Variants in RAPGEF4 observed in about 807,000 individuals in gnomAD.
RAPGEF4 encodes the protein RAP guanine-nucleotide-exchange factor (GEF) 4.
RAPGEF4 carries 66 observed loss-of-function variants against 147.9 expected under a neutral mutation model. The observed-to-expected ratio is 0.45, with a 90% confidence interval of 0.37 to 0.55. The LOEUF is 0.55. Ranked by LOEUF, RAPGEF4 falls within the 20% of genes least tolerant of loss-of-function variation. The probability of loss-of-function intolerance (pLI) is 0.00; values close to 1 mark genes in which losing one functional copy is unlikely to be tolerated. For synonymous variants in RAPGEF4, 419 were observed against 442.7 expected (o/e 0.95, Z 0.67); for missense variants, 1,071 against 1,257.3 (o/e 0.85, Z 2.24).
At chr2:172,980,134 T>C (rs879729436) in intron 10 of RAPGEF4, among the ~76,000 whole-genome samples, 7 of 152,110 alleles carry the variant, frequency 4.6e-5, no homozygotes, top group Non-Finnish European at 7.4e-5. Context: ...GTTCGAGGAA[T>C]GGAGAGATGC....
chr2:172,737,512 G>A (rs534042282), intron 1 of RAPGEF4, among the ~76,000 whole-genome samples: 2 of 152,076 alleles, frequency 1.3e-5, no homozygotes, highest in African/African-American at 2.4e-5. Flanking sequence ...TTGAACAGTC[G>A]GTAATTCACT....
intron 1 of RAPGEF4, among the ~76,000 whole-genome samples, chr2:172,755,097 G>A (rs1695645407): frequency 6.6e-6 from 1 of 152,016 alleles, no homozygotes; most frequent in Non-Finnish European, 1.5e-5. Flanking sequence ...ATGATATGTG[G>A]CCGTAGAACC....
rs563549001 is a variant in RAPGEF4 at position 173,013,558 on chromosome 2, T to C, written c.1659-906T>C. Among the ~76,000 whole-genome samples, 141 of 152,346 alleles carry C rather than the reference T, an allele frequency of 9.3e-4. 1 individual carries two copies. Among genetic ancestry groups the C allele is most frequent in the African/African-American group, 3.2e-3 (132 of 41,578 alleles). On this transcript the variant is annotated intron_variant, in intron 17 of 30. Transcript: ENST00000397081. ...GAACTATAAATCATTGAAAAAGGAA[T>C]GGTGTGTCTAACCTAAAATATTTCT...
chr2:172,885,047 T>C (rs1697030043), intron 4 of RAPGEF4, among the ~76,000 whole-genome samples: 2 of 152,226 alleles, frequency 1.3e-5, no homozygotes, highest in Admixed American at 1.3e-4. Flanking sequence ...TCAGTATATC[T>C]CTACTTCATC....
intron 1 of RAPGEF4, among the ~76,000 whole-genome samples, chr2:172,764,252 CAA>C (rs11297899): frequency 1.7e-3 from 250 of 145,016 alleles, no homozygotes; most frequent in Admixed American, 2.0e-3. Flanking sequence ...GACCCTGTCT[CAA>C]AAAAAAAAAA....
chr2:172,943,817 CAG>C (rs142254525), intron 6 of RAPGEF4, among the ~76,000 whole-genome samples: 2,341 of 152,282 alleles, frequency 0.015, 61 homozygotes, highest in African/African-American at 0.054. Flanking sequence ...CACATCCTCT[CAG>C]AGTTTTCTCT....
intron 9 of RAPGEF4, among the ~76,000 whole-genome samples, chr2:172,966,576 G>A (rs767488761): frequency 2.5e-4 from 38 of 152,150 alleles, no homozygotes; most frequent in Non-Finnish European, 4.7e-4. Context: ...GCTCAAGGCT[G>A]TAAGACATGT....
chr2:172,918,797 C>T (rs1684390454), intron 5 of RAPGEF4, among the ~76,000 whole-genome samples: 1 of 152,112 alleles, frequency 6.6e-6, no homozygotes, highest in South Asian at 2.1e-4. Flanking sequence ...AGCCAGCAGA[C>T]CCAGTGATGC....
At chr2:172,997,687 A>G (rs1170799399) in intron 16 of RAPGEF4, among the ~76,000 whole-genome samples, 1 of 152,088 alleles carries the variant, frequency 6.6e-6, no homozygotes, top group African/African-American at 2.4e-5. Flanking sequence ...TCTCAGAATA[A>G]TGTTGTGGGT....
chr2:172,821,601 G>A (rs912403519), intron 4 of RAPGEF4: 26 of 996,568 alleles, frequency 2.6e-5, no homozygotes, highest in Admixed American at 1.2e-4. Context: ...TAAACCAAGC[G>A]GAAGCCTGCT....
intron 17 of RAPGEF4, among the ~76,000 whole-genome samples, chr2:173,003,670 A>C (rs1309362357): frequency 1.3e-5 from 2 of 151,036 alleles, no homozygotes. Context: ...TGAGTTCTCC[A>C]GATGATTCCA....
chr2:172,773,882 G>A (rs1419952776), intron 1 of RAPGEF4, among the ~76,000 whole-genome samples: 1 of 152,162 alleles, frequency 6.6e-6, no homozygotes, highest in Admixed American at 6.5e-5. Context: ...GTATGAATTG[G>A]CTCTGAATCC....
Position 173,021,085 on chromosome 2 carries a change from G to C in RAPGEF4, c.2253+370G>C, listed in dbSNP as rs377539324. On this transcript the variant is annotated intron_variant, in intron 23 of 30. Coordinates refer to ENST00000397081, the MANE Select transcript of RAPGEF4 (RefSeq NM_007023.4). ...ATTTATCAGGCTCCTTTGCATTATG[G>C]CAAAGCCACCATCTGATCTAAGAGA... Among the ~76,000 whole-genome samples the C allele has an allele frequency of 3.9e-5, 6 of 152,138 alleles. No homozygotes were observed. In the East Asian group the frequency reaches 7.7e-4, roughly 20 times the overall value.
intron 6 of RAPGEF4, among the ~76,000 whole-genome samples, chr2:172,945,933 G>GA (rs1687633444): frequency 6.6e-6 from 1 of 152,108 alleles, no homozygotes; most frequent in Non-Finnish European, 1.5e-5. Flanking sequence ...TGTGCATTTG[G>GA]AACCATAATC....
intron 14 of RAPGEF4, 62 bp downstream of exon 14, chr2:172,988,901 A>G: frequency 6.5e-7 from 1 of 1,533,198 alleles, no homozygotes; most frequent in Non-Finnish European, 8.9e-7. Flanking sequence ...TAAATAAGCA[A>G]AGCTTTGAGC....
intron 5 of RAPGEF4, 140 bp from the exon 6 acceptor site, chr2:172,922,141 C>T (rs1684833618): frequency 3.9e-6 from 3 of 778,412 alleles, no homozygotes; most frequent in Admixed American, 3.9e-5. Context: ...TATTTCTAAG[C>T]AGCATTATGT....
At position 173,001,308 on chromosome 2, in the gene RAPGEF4, T is replaced by G; in HGVS notation, c.1622T>G (p.Met541Arg). The G allele has an allele frequency of 6.2e-7, 1 of 1,614,126 alleles. No homozygotes were observed. The highest frequency in any genetic ancestry group is 8.5e-7 in the Non-Finnish European group (1 of 1,179,984). ...TTTATTATGATGCACTGTGTTTTTA[T>G]GCCAAATACCCAGCTTTGCCCGGCA... ...NDFIMMHCVF[M>R]PNTQLCPALV... Residue 541 changes from methionine to arginine, a missense_variant, in exon 17 of 31, where the codon ATG becomes AGG. Transcript: ENST00000397081.
chr2:172,747,447 G>A (rs747874925), intron 1 of RAPGEF4, among the ~76,000 whole-genome samples: 5 of 152,010 alleles, frequency 3.3e-5, no homozygotes, highest in Non-Finnish European at 7.4e-5. Context: ...TCTCCTGAAC[G>A]TATTCATCTT....
chr2:173,018,457 T>C (rs1269363135), intron 21 of RAPGEF4, among the ~76,000 whole-genome samples, 199 bp from the exon 22 acceptor site: 5 of 152,186 alleles, frequency 3.3e-5, no homozygotes, highest in Non-Finnish European at 7.3e-5. Flanking sequence ...GGCAACCATA[T>C]GTGCACCTAT....
Sources: allele counts gnomAD v4.1 joint callset (sites outside exome capture counted in the v4.1 genomes callset), GRCh38; gene constraint gnomAD v4.1.1; transcripts MANE v1.5; gene names NCBI Gene and HGNC (gene_info 2026-07-23, HGNC 2026-07-21).